The following XYLT1 variants were observed in gnomAD, a reference collection of about 807,000 sequenced individuals.
The protein encoded by XYLT1 is xylosyltransferase 1.
XYLT1 carries 36 observed loss-of-function variants against 91.3 expected under a neutral mutation model. That is an observed-to-expected ratio of 0.39 (90% CI 0.30 to 0.52). XYLT1 has a LOEUF of 0.52. Ranked by LOEUF, XYLT1 falls within the 20% of genes least tolerant of loss-of-function variation. XYLT1 has a pLI of 0.68. For missense variants in XYLT1, 1,242 were observed against 1,284.5 expected, an observed-to-expected ratio of 0.97 and a Z score of 0.51; for synonymous variants, 588 against 532.0, an observed-to-expected ratio of 1.11 and a Z score of -1.45.
chr16:17,255,629 T>C (rs958665872), intron 3 of XYLT1, among the ~76,000 whole-genome samples: 2 of 152,166 alleles, frequency 1.3e-5, no homozygotes, highest in African/African-American at 4.8e-5. Context: ...ATCAAGAATA[T>C]AGACAGGAAC....
At chr16:17,399,030 A>G (rs2035929477) in intron 1 of XYLT1, among the ~76,000 whole-genome samples, 2 of 152,044 alleles carry the variant, frequency 1.3e-5, no homozygotes, top group South Asian at 4.2e-4. Context: ...CCCCCTTTTT[A>G]TAAGGACACC....
At chr16:17,237,729 T>C (rs895741113) in intron 3 of XYLT1, among the ~76,000 whole-genome samples, 18 of 152,208 alleles carry the variant, frequency 1.2e-4, no homozygotes, top group African/African-American at 4.1e-4. Context: ...CATGGGATGT[T>C]GTTGCTGGAT....
rs1462940405 is a variant in XYLT1 at position 17,104,735 on chromosome 16, A to T, written c.*3960T>A. The T allele has an allele frequency of 2.0e-5, 3 of 152,220 alleles. No individual in the cohort carries two copies. Among genetic ancestry groups the T allele is most frequent in the African/African-American group, 7.2e-5 (3 of 41,452 alleles). 9.4% of individuals were successfully genotyped at this position (152,220 alleles called of 1,614,324 possible). ...TTTCCGGCTTCCCTTCCAAATTGGA[A>T]GATTCCACTACACTGTGCTTACATT... On this transcript the variant is annotated 3_prime_UTR_variant, in exon 12 of 12. Transcript: ENST00000261381.
At chr16:17,157,238 G>C (rs12930661) in intron 6 of XYLT1, among the ~76,000 whole-genome samples, 121,614 of 152,156 alleles carry the variant, frequency 0.8, 48,832 homozygotes, top group Non-Finnish European at 0.84. Context: ...CTTGAGTCAC[G>C]GCACCTGGCC....
chr16:17,104,125 C>T lies in XYLT1; in HGVS notation c.*4570G>A, dbSNP rs1180316779. On this transcript the variant is annotated 3_prime_UTR_variant, in exon 12 of 12. Transcript: ENST00000261381. ...GTAACTGAGGCAGAAGCAAACAGGA[C>T]ATCCCGTGAGCCAGCACAGCTCTAT... The T allele has an allele frequency of 6.5e-6, 1 of 152,806 alleles. No homozygotes were observed. Among genetic ancestry groups the T allele is most frequent in the Non-Finnish European group, 1.5e-5 (1 of 68,200 alleles). 9.5% of individuals were successfully genotyped at this position (152,806 alleles called of 1,614,324 possible).
At chr16:17,314,941 C>T (rs1410779617) in intron 2 of XYLT1, among the ~76,000 whole-genome samples, 1 of 152,108 alleles carries the variant, frequency 6.6e-6, no homozygotes, top group Non-Finnish European at 1.5e-5. Flanking sequence ...TGAGAGGTAC[C>T]CAGGTCAAAT....
At chr16:17,184,184 G>T in intron 5 of XYLT1, among the ~76,000 whole-genome samples, 1 of 79,056 alleles carries the variant, frequency 1.3e-5, no homozygotes, top group African/African-American at 7.8e-5. Flanking sequence ...ATAAAAGACG[G>T]CTTTTTTTTT....
At chr16:17,235,979 G>A (rs11864988) in intron 3 of XYLT1, among the ~76,000 whole-genome samples, 5,722 of 152,182 alleles carry the variant, frequency 0.038, 114 homozygotes, top group East Asian at 0.069. Context: ...CAATTCTCCT[G>A]CCTCAGCCTC....
intron 2 of XYLT1, among the ~76,000 whole-genome samples, chr16:17,311,330 C>A (rs926445217): frequency 6.6e-6 from 1 of 152,178 alleles, no homozygotes; most frequent in African/African-American, 2.4e-5. Flanking sequence ...TTCATGTGAG[C>A]AGCCTCGTGG....
At chr16:17,375,079 C>T (rs916538696) in intron 1 of XYLT1, among the ~76,000 whole-genome samples, 6 of 152,110 alleles carry the variant, frequency 3.9e-5, no homozygotes, top group Non-Finnish European at 8.8e-5. Context: ...CAGACACAGG[C>T]TCAGAGAGGT....
chr16:17,186,262 C>T (rs2032180805), intron 5 of XYLT1, among the ~76,000 whole-genome samples: 1 of 152,012 alleles, frequency 6.6e-6, no homozygotes, highest in African/African-American at 2.4e-5. Context: ...TGCCACCATA[C>T]CCAGCTAATT....
In XYLT1 at chr16:17,400,679, C is replaced by G. The variant is rs113836095; in HGVS notation, c.364-42629G>C. ...AGGAAGGAAGGAAGGAAGGAAGGAA[C>G]TAACTAACTTGCAGTTTAGGAGGAG... On this transcript the variant is annotated intron_variant, in intron 1 of 11. Coordinates refer to ENST00000261381, the MANE Select transcript of XYLT1 (RefSeq NM_022166.4). Among the ~76,000 whole-genome samples the G allele has an allele frequency of 6.2e-4, 82 of 133,308 alleles. No homozygotes were observed. In the South Asian group the frequency reaches 7.7e-3, roughly 12 times the overall value. The allele number at this position is 133,308 out of a possible 152,430, so 87.5% of individuals were successfully genotyped here.
At position 17,108,851 on chromosome 16, in the gene XYLT1, C is replaced by A; in HGVS notation, c.2724G>T (p.Ser908=). Reference sequence around the variant, plus strand: ...TGGCAGTCCACATCCCGCCCACCAACGAGTCCAGCCATCCCTCCAGCGCTG... The same window carrying A: ...TGGCAGTCCACATCCCGCCCACCAAAGAGTCCAGCCATCCCTCCAGCGCTG... ...TGTALEGWLD[S]LVGGMWTAMD... The change falls in exon 12 of 12, where the codon TCG becomes TCT. Residue 908 remains serine, a synonymous_variant. Coordinates refer to ENST00000261381, the MANE Select transcript of XYLT1 (RefSeq NM_022166.4). The A allele has an allele frequency of 6.2e-7, 1 of 1,613,198 alleles. No homozygotes were observed. Among genetic ancestry groups the A allele is most frequent in the Admixed American group, 1.7e-5 (1 of 60,014 alleles).
At chr16:17,234,130 T>C (rs1596438540) in intron 3 of XYLT1, among the ~76,000 whole-genome samples, 1 of 152,058 alleles carries the variant, frequency 6.6e-6, no homozygotes, top group African/African-American at 2.4e-5. Flanking sequence ...GTGAGGCGGG[T>C]ACTGCTGCCA....
chr16:17,293,504 T>C (rs1475371822), intron 2 of XYLT1, among the ~76,000 whole-genome samples: 6 of 74,922 alleles, frequency 8.0e-5, no homozygotes, highest in South Asian at 5.5e-4. Flanking sequence ...TTTTTTTTTT[T>C]TTTTTTTTTT....
intron 1 of XYLT1, among the ~76,000 whole-genome samples, chr16:17,453,413 GA>G (rs2036693717): frequency 6.6e-6 from 1 of 152,190 alleles, no homozygotes; most frequent in Non-Finnish European, 1.5e-5. Flanking sequence ...AAGCAAACCT[GA>G]AAGATGGGTG....
intron 1 of XYLT1, among the ~76,000 whole-genome samples, chr16:17,368,144 C>G (rs546228049): frequency 6.6e-6 from 1 of 152,088 alleles, no homozygotes; most frequent in South Asian, 2.1e-4. Context: ...CCACGGGGGG[C>G]GGAAAAAACG....
chr16:17,263,769 C>T (rs139616408), intron 2 of XYLT1, among the ~76,000 whole-genome samples: 80 of 152,154 alleles, frequency 5.3e-4, no homozygotes, highest in East Asian at 3.1e-3. Flanking sequence ...AGTGCAACGG[C>T]GCCATCTTGG....
intron 3 of XYLT1, among the ~76,000 whole-genome samples, chr16:17,253,855 AGAGAGAGC>A (rs2033586065): frequency 6.7e-6 from 1 of 149,570 alleles, no homozygotes; most frequent in African/African-American, 2.5e-5. Flanking sequence ...AGAGAGAGAG[AGAGAGAGC>A]GAGCCTGCAG....
Sources: allele counts gnomAD v4.1 joint callset (sites outside exome capture counted in the v4.1 genomes callset), GRCh38; gene constraint gnomAD v4.1.1; transcripts MANE v1.5; gene names NCBI Gene and HGNC (gene_info 2026-07-23, HGNC 2026-07-21).